The following TRPM8 variants were observed in gnomAD, a reference collection of about 807,000 sequenced individuals.
TRPM8 encodes TRPM8 cationic channel.
A neutral mutation model predicts 133.7 loss-of-function variants in TRPM8; 110 were observed. That is an observed-to-expected ratio of 0.82 (90% CI 0.70 to 0.96). The LOEUF (loss-of-function observed/expected upper bound fraction) is 0.96. Ranked by LOEUF, TRPM8 falls within the 40% of genes least tolerant of loss-of-function variation. The pLI is 0.00. For synonymous variants in TRPM8, 535 were observed against 532.3 expected (o/e 1.01, Z -0.07); for missense variants, 1,291 against 1,379.5 (o/e 0.94, Z 1.02).
chr2:234,012,991 C>T (rs1012524743), intron 24 of TRPM8, among the ~76,000 whole-genome samples: 5 of 152,106 alleles, frequency 3.3e-5, no homozygotes, highest in East Asian at 1.9e-4. Flanking sequence ...GGTGTCTTCA[C>T]GGATCCTTTT....
At chr2:233,988,448 G>A (rs577857830) in intron 21 of TRPM8, among the ~76,000 whole-genome samples, 53 of 152,138 alleles carry the variant, frequency 3.5e-4, no homozygotes, top group African/African-American at 1.2e-3. Context: ...GATTGTGCCC[G>A]CCATCTCAGC....
At chr2:233,971,418 G>C (rs1050805290) in intron 17 of TRPM8, among the ~76,000 whole-genome samples, 1 of 152,178 alleles carries the variant, frequency 6.6e-6, no homozygotes, top group African/African-American at 2.4e-5. Context: ...CATTTTGATC[G>C]ATTAGTGATG....
At chr2:233,999,577 G>A (rs555494267) in intron 22 of TRPM8, among the ~76,000 whole-genome samples, 3 of 151,546 alleles carry the variant, frequency 2.0e-5, no homozygotes, top group African/African-American at 4.9e-5. Context: ...AGCTGAATGC[G>A]CCGGTCCTCT....
intron 17 of TRPM8, among the ~76,000 whole-genome samples, chr2:233,974,493 A>G (rs779802481): frequency 5.9e-5 from 9 of 152,154 alleles, no homozygotes; most frequent in Non-Finnish European, 1.2e-4. Flanking sequence ...CGGCCTCCCA[A>G]AGTGCCGGGA....
At chr2:233,991,704 T>A (rs1225883628) in intron 21 of TRPM8, among the ~76,000 whole-genome samples, 1 of 152,266 alleles carries the variant, frequency 6.6e-6, no homozygotes, top group African/African-American at 2.4e-5. Flanking sequence ...GATCTGTCTT[T>A]GTATTTTGGT....
At chr2:233,977,368 T>G (rs987761045) in intron 17 of TRPM8, among the ~76,000 whole-genome samples, 2 of 152,228 alleles carry the variant, frequency 1.3e-5, no homozygotes, top group Non-Finnish European at 2.9e-5. Flanking sequence ...AGAAGAGGCC[T>G]CTTTTCCTTT....
At chr2:233,927,217 G>A (rs1244514993) in intron 2 of TRPM8, among the ~76,000 whole-genome samples, 5 of 152,162 alleles carry the variant, frequency 3.3e-5, no homozygotes, top group Admixed American at 1.3e-4. Context: ...GTTAAAAGTC[G>A]GGATAGCGGC....
At chr2:233,954,982 T>C in intron 10 of TRPM8, 150 bp from the exon 11 acceptor site, 1 of 607,362 alleles carries the variant, frequency 1.6e-6, no homozygotes, top group Non-Finnish European at 3.0e-6. Flanking sequence ...TGAGTGAAGA[T>C]AGAGTGAATG....
At chr2:233,956,416 T>C (rs1209951499) in intron 11 of TRPM8, among the ~76,000 whole-genome samples, 1 of 152,244 alleles carries the variant, frequency 6.6e-6, no homozygotes, top group African/African-American at 2.4e-5. Context: ...TCCTCCCGTG[T>C]ACAACTAAAG....
chr2:233,994,168 A>C lies in TRPM8; in HGVS notation c.2940-2158A>C, dbSNP rs6756537. ...GATTTCTGGCAAGTTCTTAGCCTGAACTTCCCTAATCGGGGGCTGCTGCAT... is the reference window on the plus strand; with the variant it reads ...GATTTCTGGCAAGTTCTTAGCCTGACCTTCCCTAATCGGGGGCTGCTGCAT... On this transcript the variant is annotated intron_variant, in intron 21 of 25. Coordinates refer to ENST00000324695, the MANE Select transcript of TRPM8 (RefSeq NM_024080.5). 8.5e-3 allele frequency among the ~76,000 whole-genome samples: 1,296 copies of C among 152,264 alleles called. 24 individuals are homozygous for C. The highest frequency in any genetic ancestry group is 0.028 in the African/African-American group (1,153 of 41,542).
intron 2 of TRPM8, among the ~76,000 whole-genome samples, chr2:233,927,855 T>TTCCTTC (rs1559516485): frequency 7.7e-5 from 3 of 39,118 alleles, no homozygotes; most frequent in East Asian, 6.5e-4. Flanking sequence ...TTCCTTCCTT[T>TTCCTTC]CTTTCTCTTT....
At chr2:233,997,620 A>G (rs1032324402) in intron 22 of TRPM8, among the ~76,000 whole-genome samples, 3 of 151,772 alleles carry the variant, frequency 2.0e-5, no homozygotes, top group Non-Finnish European at 4.4e-5. Flanking sequence ...CCTGGCTGTC[A>G]CCTCTGACCC....
In TRPM8 at chr2:233,966,553, A is replaced by G. The variant is rs201731427; in HGVS notation, c.1880-57A>G. ...GGTTGGCTGGGGGTGGAAGCAGGAC[A>G]GTTTCGGTCATGTGCAGCTCTTACA... On this transcript the variant is annotated intron_variant, in intron 14 of 25. Transcript: ENST00000324695. 33 of 1,606,648 alleles carry G rather than the reference A, an allele frequency of 2.1e-5. No individual in the cohort carries two copies. In the Middle Eastern group the frequency reaches 5.1e-4, roughly 25 times the overall value.
chr2:233,991,021 C>T (rs1421641488), intron 21 of TRPM8, among the ~76,000 whole-genome samples: 1 of 152,110 alleles, frequency 6.6e-6, no homozygotes, highest in African/African-American at 2.4e-5. Flanking sequence ...GGATCTGCAG[C>T]AGCAGCTAGG....
intron 22 of TRPM8, among the ~76,000 whole-genome samples, chr2:234,003,832 G>T (rs148123379): frequency 6.6e-6 from 1 of 152,252 alleles, no homozygotes; most frequent in African/African-American, 2.4e-5. Flanking sequence ...TGTGGGAGGA[G>T]GGGCTGCATG....
intron 21 of TRPM8, among the ~76,000 whole-genome samples, chr2:233,991,108 A>G (rs1692265531): frequency 6.6e-6 from 1 of 151,982 alleles, no homozygotes; most frequent in African/African-American, 2.4e-5. Flanking sequence ...CAGGGGAGAT[A>G]ATGTTAGTCT....
chr2:233,947,190 A>G, intron 8 of TRPM8, 35 bp downstream of exon 8: 1 of 1,610,734 alleles, frequency 6.2e-7, no homozygotes, highest in Non-Finnish European at 8.5e-7. Context: ...AAGGTTGGCT[A>G]ATAAGCCTAT....
At chr2:233,918,517 G>T (rs1050135389) in intron 1 of TRPM8, among the ~76,000 whole-genome samples, 23 of 152,168 alleles carry the variant, frequency 1.5e-4, no homozygotes, top group African/African-American at 5.1e-4. Flanking sequence ...TCAGCAAATA[G>T]CATCTTGGAG....
chr2:233,932,414 A>G (rs1211829806), intron 3 of TRPM8, among the ~76,000 whole-genome samples: 1 of 152,182 alleles, frequency 6.6e-6, no homozygotes, highest in Non-Finnish European at 1.5e-5. Context: ...TGCTTGGAGC[A>G]TGTGCCTATC....
Sources: gnomAD v4.1 joint callset for allele counts (sites outside exome capture counted in the v4.1 genomes callset) on GRCh38, gnomAD v4.1.1 for gene constraint, MANE v1.5 for transcripts, NCBI Gene and HGNC (gene_info 2026-07-23, HGNC 2026-07-21) for gene names.